IFT81: variants seen among roughly 807,000 people sequenced by gnomAD.
IFT81 encodes the protein intraflagellar transport protein 81 homolog.
In IFT81, 72 loss-of-function variants were observed where a neutral mutation model predicts 102.6. The ratio of observed to expected loss-of-function variants is 0.70; its 90% CI spans 0.58 to 0.85. The LOEUF is 0.85. Among genes scored for constraint, IFT81 ranks in the 40% least tolerant of loss-of-function variants. The pLI is 0.00. For synonymous variants in IFT81, 237 were observed against 242.7 expected (o/e 0.98, Z 0.22); for missense variants, 723 against 787.3 (o/e 0.92, Z 0.98).
intron 3 of IFT81, among the ~76,000 whole-genome samples, chr12:110,128,731 G>T (rs1208724227): frequency 6.8e-6 from 1 of 146,666 alleles, no homozygotes; most frequent in African/African-American, 2.6e-5. Context: ...AGGAGGTTAA[G>T]GCTTTGGTGA....
chr12:110,148,902 TTCCTCTAAC>T (rs1314363765), intron 10 of IFT81, among the ~76,000 whole-genome samples: 17 of 152,228 alleles, frequency 1.1e-4, no homozygotes, highest in Admixed American at 1.1e-3. Flanking sequence ...ATGAATTTGT[TTCCTCTAAC>T]TCATTTGCAT....
intron 4 of IFT81, among the ~76,000 whole-genome samples, chr12:110,131,415 C>T (rs974366174): frequency 2.7e-5 from 4 of 150,876 alleles, no homozygotes; most frequent in African/African-American, 4.9e-5. Context: ...GGTGTGATCT[C>T]GGCTCACTGC....
At chr12:110,164,810 T>C (rs1012158887) in intron 11 of IFT81, among the ~76,000 whole-genome samples, 1 of 152,344 alleles carries the variant, frequency 6.6e-6, no homozygotes, top group Admixed American at 6.5e-5. Context: ...CTTCATGACA[T>C]CTTTGCTGTC....
At chr12:110,210,892 CT>C (rs1193908260) in intron 18 of IFT81, among the ~76,000 whole-genome samples, 2 of 151,394 alleles carry the variant, frequency 1.3e-5, no homozygotes, top group East Asian at 3.9e-4. Flanking sequence ...ACTCTGTCAC[CT>C]AGGCTGGCTG....
chr12:110,158,590 AT>A (rs544670238), intron 10 of IFT81, among the ~76,000 whole-genome samples: 61 of 141,108 alleles, frequency 4.3e-4, no homozygotes, highest in Middle Eastern at 3.8e-3. Flanking sequence ...ATGCTTTGTG[AT>A]TTTTTTTTTT....
At chr12:110,150,815 C>T (rs1895484501) in intron 10 of IFT81, among the ~76,000 whole-genome samples, 1 of 152,004 alleles carries the variant, frequency 6.6e-6, no homozygotes, top group South Asian at 2.1e-4. Flanking sequence ...TCTTTCCTTC[C>T]CACATAGGTA....
rs77637411 is a variant in IFT81, at chr12:110,214,166, A to G, written c.1849-3878A>G. On this transcript the variant is annotated intron_variant, in intron 18 of 18. Coordinates refer to ENST00000242591, the MANE Select transcript of IFT81 (RefSeq NM_014055.4). ...AAAAGGAAAAAAAGAAATAATTTTC[A>G]TATTTGAAAGCACATATTTGAATCA... is the stretch of plus-strand genomic sequence containing the variant. 7.8e-3 allele frequency among the ~76,000 whole-genome samples: 1,186 copies of G among 152,306 alleles called. 6 individuals are homozygous for G. Among genetic ancestry groups the G allele is most frequent in the Non-Finnish European group, 0.014 (932 of 68,018 alleles).
chr12:110,132,501 A>G (rs757450604), intron 4 of IFT81, 46 bp from the exon 5 acceptor site: 4 of 805,300 alleles, frequency 5.0e-6, no homozygotes, highest in Non-Finnish European at 6.0e-6. Flanking sequence ...AGAAAACTCT[A>G]CTGGATCTAG....
chr12:110,159,109 T>G (rs575837612), intron 10 of IFT81, among the ~76,000 whole-genome samples: 1 of 152,346 alleles, frequency 6.6e-6, no homozygotes, highest in African/African-American at 2.4e-5. Context: ...AGGGGTTTAC[T>G]GTTTTTTGTT....
chr12:110,174,035 T>C (rs1217712609), intron 11 of IFT81, among the ~76,000 whole-genome samples: 1 of 151,612 alleles, frequency 6.6e-6, no homozygotes, highest in African/African-American at 2.4e-5. Flanking sequence ...CCCAGCACTT[T>C]GGGAGACTGA....
chr12:110,126,718 G>A (rs1049191353), intron 1 of IFT81, among the ~76,000 whole-genome samples: 1 of 152,212 alleles, frequency 6.6e-6, no homozygotes, highest in African/African-American at 2.4e-5. Context: ...TTGGAATGGG[G>A]AGAGGTGGAG....
intron 8 of IFT81, among the ~76,000 whole-genome samples, chr12:110,139,887 A>AT (rs1894780186): frequency 6.8e-6 from 1 of 146,818 alleles, no homozygotes; most frequent in Non-Finnish European, 1.5e-5. Flanking sequence ...ATAAAATAAA[A>AT]TAAAATAAAA....
chr12:110,144,757 G>A (rs1895104362), intron 9 of IFT81, among the ~76,000 whole-genome samples: 1 of 147,310 alleles, frequency 6.8e-6, no homozygotes, highest in African/African-American at 2.5e-5. Context: ...TGATCTGCCC[G>A]CCTCAGCCTC....
intron 16 of IFT81, 38 bp from the exon 17 acceptor site, chr12:110,205,557 A>G (rs771873891): frequency 3.1e-5 from 49 of 1,586,630 alleles, no homozygotes; most frequent in Middle Eastern, 3.4e-4. Context: ...TTTTTTCTAT[A>G]TCAAAGTCTT....
At chr12:110,142,817 C>T (rs895859824) in intron 8 of IFT81, among the ~76,000 whole-genome samples, 3 of 152,062 alleles carry the variant, frequency 2.0e-5, no homozygotes, top group East Asian at 1.9e-4. Flanking sequence ...GTGGGAGGAT[C>T]ACTTGAGCTG....
chr12:110,199,704 A>G (rs1469938020), intron 14 of IFT81, among the ~76,000 whole-genome samples: 1 of 152,136 alleles, frequency 6.6e-6, no homozygotes, highest in Non-Finnish European at 1.5e-5. Flanking sequence ...TAGAAGCTAC[A>G]TCCCCTTTCT....
chr12:110,210,616 G>A (rs1869277834), intron 18 of IFT81, among the ~76,000 whole-genome samples: 1 of 151,576 alleles, frequency 6.6e-6, no homozygotes, highest in Non-Finnish European at 1.5e-5. Flanking sequence ...GCATGCACCT[G>A]TAGTTGCAGC....
intron 18 of IFT81, chr12:110,216,474 T>G (rs1230738627): frequency 2.2e-6 from 1 of 453,136 alleles, no homozygotes; most frequent in Non-Finnish European, 4.4e-6. Context: ...GAATTACAGG[T>G]GTGAGTCACC....
intron 14 of IFT81, 117 bp downstream of exon 14, chr12:110,192,823 T>G (rs997085262): frequency 1.7e-6 from 1 of 590,604 alleles, no homozygotes; most frequent in African/African-American, 2.0e-5. Flanking sequence ...GAAAACAAAT[T>G]ATCATTATTA....
Sources: allele counts gnomAD v4.1 joint callset (sites outside exome capture counted in the v4.1 genomes callset), GRCh38; gene constraint gnomAD v4.1.1; transcripts MANE v1.5; gene names NCBI Gene and HGNC (gene_info 2026-07-23, HGNC 2026-07-21).